Variants in KIF1A observed in about 807,000 individuals in gnomAD.
KIF1A encodes kinesin-like protein KIF1A.
In KIF1A, 46 loss-of-function variants were observed where a neutral mutation model predicts 227.3. That is an observed-to-expected ratio of 0.20 (90% CI 0.16 to 0.26). The LOEUF (loss-of-function observed/expected upper bound fraction) is 0.26. Ranked by LOEUF, KIF1A falls within the 10% of genes least tolerant of loss-of-function variation. The pLI is 1.00. For synonymous variants in KIF1A, 1,022 were observed against 1,012.8 expected, an observed-to-expected ratio of 1.01 and a Z score of -0.17; for missense variants, 1,683 against 2,485.9, an observed-to-expected ratio of 0.68 and a Z score of 6.87.
chr2:240,751,120 G>A (rs1037061515), intron 27 of KIF1A, among the ~76,000 whole-genome samples: 3 of 152,134 alleles, frequency 2.0e-5, no homozygotes, highest in Non-Finnish European at 2.9e-5. Context: ...CCAGGGCCAC[G>A]GTGCGGCCCA....
chr2:240,718,338 G>T (rs2044809464), intron 47 of KIF1A, among the ~76,000 whole-genome samples, 170 bp from the exon 48 acceptor site: 1 of 152,200 alleles, frequency 6.6e-6, no homozygotes, highest in African/African-American at 2.4e-5. Flanking sequence ...GGCTGTGACT[G>T]CCTTCTGGAC....
In KIF1A at chr2:240,788,842, G is replaced by A. The variant is rs988360632; in HGVS notation, c.183+394C>T. 2.6e-5 allele frequency among the ~76,000 whole-genome samples: 4 copies of A among 152,102 alleles called. No individual in the cohort carries two copies. The highest frequency in any genetic ancestry group is 4.4e-5 in the Non-Finnish European group (3 of 68,002). On this transcript the variant is annotated intron_variant, in intron 3 of 48. Transcript: ENST00000498729. The surrounding 1 kb of genome is among the most constrained non-coding windows in gnomAD (Gnocchi z 6.6). The stretch of plus-strand genomic sequence containing the variant: ...CCAGGAGGTGGCAGGTGGAAGACAG[G>A]GCTCAGTGTGGACTGGATCGGGGAG...
intron 10 of KIF1A, among the ~76,000 whole-genome samples, chr2:240,777,549 C>T (rs541125037): frequency 6.6e-6 from 1 of 152,178 alleles, no homozygotes; most frequent in African/African-American, 2.4e-5. Flanking sequence ...CCGTCTAGGC[C>T]CCCCAGCCTC....
chr2:240,807,122 GT>G lies in KIF1A; in HGVS notation c.-60-9311del, dbSNP rs1559545384. ...TGTGTGTGTGTGTGTGTGTGTGTGT[GT>G]GTGTGTGTATATATATATATATATA... On this transcript the variant is annotated intron_variant, in intron 1 of 48. Transcript: ENST00000498729. Among the ~76,000 whole-genome samples, 5 of 91,574 alleles carry G rather than the reference GT, an allele frequency of 5.5e-5. No individual in the cohort carries two copies. The East Asian group carries it at 1.7e-3, about 31-fold the overall frequency. 60.1% of individuals were successfully genotyped at this position (91,574 alleles called of 152,430 possible). A position where few individuals can be genotyped will look rare whatever the true frequency, so the allele number is the denominator to read the frequency against.
intron 1 of KIF1A, among the ~76,000 whole-genome samples, chr2:240,810,530 A>G (rs2057783856): frequency 6.6e-6 from 1 of 152,158 alleles, no homozygotes; most frequent in African/African-American, 2.4e-5. Flanking sequence ...GGGGCTGCAG[A>G]CCTTGTGCCC....
chr2:240,783,670 C>T lies in KIF1A; in HGVS notation c.798+69G>A, dbSNP rs935068145. Reference sequence around the variant, plus strand: ...CAGGCCCCCGGGACCCCAACAGAGCCCTCCTGCCACCCACTCTGGAGCAGG... The same window carrying T: ...CAGGCCCCCGGGACCCCAACAGAGCTCTCCTGCCACCCACTCTGGAGCAGG... On this transcript the variant is annotated intron_variant, in intron 8 of 48. Transcript: ENST00000498729. 2.3e-6 allele frequency: 3 copies of T among 1,288,144 alleles called. No individual in the cohort carries two copies. The African/African-American group carries it at 4.4e-5, about 19-fold the overall frequency. 79.8% of individuals were successfully genotyped at this position (1,288,144 alleles called of 1,614,324 possible).
chr2:240,773,764 C>T (rs1416849576), intron 12 of KIF1A, among the ~76,000 whole-genome samples: 1 of 152,180 alleles, frequency 6.6e-6, no homozygotes, highest in Admixed American at 6.5e-5. Flanking sequence ...CTGACCCAAA[C>T]AACCGAGCAG....
chr2:240,758,084 A>G lies in KIF1A; in HGVS notation c.2582+276T>C, dbSNP rs1419898869. 6.6e-6 allele frequency among the ~76,000 whole-genome samples: 1 copy of G among 152,158 alleles called. No individual in the cohort carries two copies. The highest frequency in any genetic ancestry group is 1.5e-5 in the Non-Finnish European group (1 of 68,018). On this transcript the variant is annotated intron_variant, in intron 26 of 48. Coordinates refer to ENST00000498729, the MANE Select transcript of KIF1A (RefSeq NM_001244008.2). This position sits in a 1 kb window ranked among gnomAD's most constrained non-coding sequence, Gnocchi z 5.2. ...TTGGGAGCCTCACATATTCATACAC[A>G]TGGACCCATGGGTTCTGGCGGCTAC...
chr2:240,785,765 G>A (rs989731244), intron 6 of KIF1A, among the ~76,000 whole-genome samples: 5 of 152,290 alleles, frequency 3.3e-5, no homozygotes, highest in Admixed American at 6.5e-5. Flanking sequence ...GGCCACCAAA[G>A]GGGTGCAGGA....
rs1384496822 is a variant in KIF1A at position 240,775,063 on chromosome 2, G to A, written c.958+788C>T. Among the ~76,000 whole-genome samples the A allele has an allele frequency of 1.3e-5, 2 of 152,152 alleles. No homozygotes were observed. The highest frequency in any genetic ancestry group is 2.9e-5 in the Non-Finnish European group (2 of 68,016). ...GAACCTGGGTGTGCCTGGAGCAGGC[G>A]GCTCCTTCCCAGCCCACGTCTCAGG... On this transcript the variant is annotated intron_variant, in intron 11 of 48. Transcript: ENST00000498729. This position sits in a 1 kb window ranked among gnomAD's most constrained non-coding sequence, Gnocchi z 5.5.
In KIF1A at chr2:240,788,287, C is replaced by G; in HGVS notation, c.184-57G>C. 1 of 1,548,674 alleles carries G rather than the reference C, an allele frequency of 6.5e-7. No homozygotes were observed. The highest frequency in any genetic ancestry group is 8.9e-7 in the Non-Finnish European group (1 of 1,126,898). On this transcript the variant is annotated intron_variant, in intron 3 of 48. Coordinates refer to ENST00000498729, the MANE Select transcript of KIF1A (RefSeq NM_001244008.2). The surrounding 1 kb of genome is among the most constrained non-coding windows in gnomAD (Gnocchi z 6.6). ...AGGCTGGGTGCATCCGAGGCTCAGC[C>G]CATCATGTCTGCGGAGCCAGGGGAT... is the stretch of plus-strand genomic sequence containing the variant.
intron 15 of KIF1A, among the ~76,000 whole-genome samples, chr2:240,770,367 C>T (rs2051785593): frequency 6.6e-6 from 1 of 152,222 alleles, no homozygotes; most frequent in Non-Finnish European, 1.5e-5. Context: ...GGCAGGTGTG[C>T]AGGTGTGAAC....
chr2:240,801,279 A>G (rs2056937896), intron 1 of KIF1A, among the ~76,000 whole-genome samples: 1 of 151,098 alleles, frequency 6.6e-6, no homozygotes, highest in South Asian at 2.1e-4. Flanking sequence ...TAAATGGAAA[A>G]TGGAGAATTT....
In KIF1A at chr2:240,765,676, C is replaced by G. The variant is rs201536595; in HGVS notation, c.1768+34G>C. ...CAGAGGCCTCGCCTCATGCCTCTGC[C>G]TACCTGACTGGCCCCCGGAGTCCCC... On this transcript the variant is annotated intron_variant, in intron 20 of 48. Transcript: ENST00000498729. The G allele has an allele frequency of 7.9e-5, 123 of 1,552,098 alleles. 1 individual carries two copies. In the East Asian group the frequency reaches 2.6e-3, roughly 32 times the overall value.
At chr2:240,772,186 C>T (rs1010674919) in intron 14 of KIF1A, among the ~76,000 whole-genome samples, 25 of 152,210 alleles carry the variant, frequency 1.6e-4, no homozygotes, top group Non-Finnish European at 2.6e-4. Flanking sequence ...ACAGGACAGT[C>T]CCTCCAGCCC....
rs1194688092 is a variant in KIF1A at position 240,743,579 on chromosome 2, C to T, written c.3584+363G>A. 1.3e-5 allele frequency among the ~76,000 whole-genome samples: 2 copies of T among 152,148 alleles called. 1 individual carries two copies. The highest frequency in any genetic ancestry group is 4.1e-4 in the South Asian group (2 of 4,824). ...CTGAGGGAGCTAGGCCGGGCTTCCCCAGGGTGTGGCACAGCTGGGCCCCTT... is the reference window on the plus strand; with the variant it reads ...CTGAGGGAGCTAGGCCGGGCTTCCCTAGGGTGTGGCACAGCTGGGCCCCTT... On this transcript the variant is annotated intron_variant, in intron 33 of 48. Transcript: ENST00000498729.
intron 1 of KIF1A, among the ~76,000 whole-genome samples, chr2:240,801,431 T>C (rs1367318155): frequency 6.6e-6 from 1 of 151,944 alleles, no homozygotes; most frequent in Non-Finnish European, 1.5e-5. Flanking sequence ...AATAGAAATA[T>C]AGAAAATTTA....
At chr2:240,810,736 G>A (rs113867800) in intron 1 of KIF1A, among the ~76,000 whole-genome samples, 2,242 of 152,294 alleles carry the variant, frequency 0.015, 56 homozygotes, top group African/African-American at 0.05. Context: ...CAGGGCAGAC[G>A]ATGACACTCC....
intron 38 of KIF1A, among the ~76,000 whole-genome samples, chr2:240,731,432 G>A (rs1167503564): frequency 1.3e-5 from 2 of 152,182 alleles, no homozygotes; most frequent in South Asian, 2.1e-4. Context: ...GGCTGCAGCC[G>A]CTGACACAGC....
Sources: gnomAD v4.1 joint callset for allele counts (sites outside exome capture counted in the v4.1 genomes callset) on GRCh38, gnomAD v4.1.1 for gene constraint, Gnocchi (gnomAD v3.1) non-coding constraint, MANE v1.5 for transcripts, NCBI Gene and HGNC (gene_info 2026-07-23, HGNC 2026-07-21) for gene names.